Variants in LHX5 observed in about 807,000 individuals in gnomAD.
LHX5 encodes LIM/homeobox protein Lhx5.
LHX5 carries 5 observed loss-of-function variants against 30.6 expected under a neutral mutation model. That is an observed-to-expected ratio of 0.16 (90% CI 0.09 to 0.34). LHX5 has a LOEUF of 0.34. Ranked by LOEUF, LHX5 falls within the 10% of genes least tolerant of loss-of-function variation. The pLI is 1.00. For synonymous variants in LHX5, 266 were observed against 252.6 expected, an observed-to-expected ratio of 1.05 and a Z score of -0.50; for missense variants, 458 against 570.6, an observed-to-expected ratio of 0.80 and a Z score of 2.01.
At position 113,467,196 on chromosome 12, in the gene LHX5, T is replaced by A; in HGVS notation, c.841+60A>T. On this transcript the variant is annotated intron_variant, in intron 4 of 4. Coordinates refer to ENST00000261731, the MANE Select transcript of LHX5 (RefSeq NM_022363.3). The surrounding 1 kb of genome is among the most constrained non-coding windows in gnomAD (Gnocchi z 6.3). ...CGGAAAGCGTGCTGGCCGGGACCCT[T>A]CGCCCTCAGCTCCCGGAATAGGACA... 7.3e-7 allele frequency: 1 copy of A among 1,377,654 alleles called. No homozygotes were observed. The highest frequency in any genetic ancestry group is 9.5e-7 in the Non-Finnish European group (1 of 1,057,402). The allele number at this position is 1,377,654 out of a possible 1,614,324, so 85.3% of individuals were successfully genotyped here. A position where few individuals can be genotyped will look rare whatever the true frequency, so the allele number is the denominator to read the frequency against.
chr12:113,468,952 ACTTCT>A (rs1426647346), intron 2 of LHX5, among the ~76,000 whole-genome samples, 165 bp downstream of exon 2: 1 of 152,198 alleles, frequency 6.6e-6, no homozygotes, highest in Non-Finnish European at 1.5e-5. Context: ...CTCCAAAGCC[ACTTCT>A]CTTCTCTAGC....
chr12:113,468,102 G>A, intron 3 of LHX5, 25 bp downstream of exon 3: 2 of 1,513,006 alleles, frequency 1.3e-6, no homozygotes, highest in Non-Finnish European at 1.8e-6. Context: ...CGGGGCTAAG[G>A]AGCTGTGCCC....
In LHX5 at chr12:113,467,176, A is replaced by T. The variant is rs1958219712; in HGVS notation, c.841+80T>A. 7.6e-7 allele frequency: 1 copy of T among 1,321,830 alleles called. No homozygotes were observed. 81.9% of individuals were successfully genotyped at this position (1,321,830 alleles called of 1,614,324 possible). On this transcript the variant is annotated intron_variant, in intron 4 of 4. Transcript: ENST00000261731. The surrounding 1 kb of genome is among the most constrained non-coding windows in gnomAD (Gnocchi z 6.3). The stretch of plus-strand genomic sequence containing the variant: ...TGGGCGATGTTCTGGAGCGGCGGAA[A>T]GCGTGCTGGCCGGGACCCTTCGCCC...
At position 113,463,081 on chromosome 12, in the gene LHX5, C is replaced by T; in HGVS notation, c.*109G>A. 2.0e-6 allele frequency: 2 copies of T among 979,396 alleles called. No individual in the cohort carries two copies. The highest frequency in any genetic ancestry group is 1.8e-5 in the South Asian group (1 of 55,340). The allele number at this position is 979,396 out of a possible 1,614,324, so 60.7% of individuals were successfully genotyped here. ...GAGTGCGGACCCGAGAGAGAACCCCCGAGGGACACCCACGTCTCCCACCGC... is the reference window on the plus strand; with the variant it reads ...GAGTGCGGACCCGAGAGAGAACCCCTGAGGGACACCCACGTCTCCCACCGC... On this transcript the variant is annotated 3_prime_UTR_variant, in exon 5 of 5. Coordinates refer to ENST00000261731, the MANE Select transcript of LHX5 (RefSeq NM_022363.3). The surrounding 1 kb of genome is among the most constrained non-coding windows in gnomAD (Gnocchi z 6.7).
Position 113,462,939 on chromosome 12 carries a change from A to C in LHX5, c.*251T>G. On this transcript the variant is annotated 3_prime_UTR_variant, in exon 5 of 5. Transcript: ENST00000261731. ...CGGAGTATTGACTTTGGTCCCAAGA[A>C]ATTGCTCGCGGTTGCTGGGAGAGTA... 4.9e-6 allele frequency: 2 copies of C among 409,668 alleles called. No individual in the cohort carries two copies. The highest frequency in any genetic ancestry group is 1.0e-4 in the East Asian group (2 of 19,476). 25.4% of individuals were successfully genotyped at this position (409,668 alleles called of 1,614,324 possible).
In LHX5 at chr12:113,462,945, T is replaced by G. The variant is rs1593326030; in HGVS notation, c.*245A>C. ...ATTGACTTTGGTCCCAAGAAATTGCTCGCGGTTGCTGGGAGAGTACTGGCG... is the reference window on the plus strand; with the variant it reads ...ATTGACTTTGGTCCCAAGAAATTGCGCGCGGTTGCTGGGAGAGTACTGGCG... On this transcript the variant is annotated 3_prime_UTR_variant, in exon 5 of 5. Coordinates refer to ENST00000261731, the MANE Select transcript of LHX5 (RefSeq NM_022363.3). The G allele has an allele frequency of 1.6e-5, 7 of 435,910 alleles. No homozygotes were observed. The East Asian group carries it at 3.2e-4, about 20-fold the overall frequency. The allele number at this position is 435,910 out of a possible 1,614,324, so 27.0% of individuals were successfully genotyped here. A position where few individuals can be genotyped will look rare whatever the true frequency, so the allele number is the denominator to read the frequency against.
intron 2 of LHX5, 51 bp from the exon 3 acceptor site, chr12:113,468,455 C>A (rs144856382): frequency 4.5e-4 from 698 of 1,552,032 alleles, no homozygotes; most frequent in Non-Finnish European, 5.8e-4. Flanking sequence ...GACGGCCAGA[C>A]GCCTCTTCAG....
In LHX5 at chr12:113,467,508, T is replaced by C; in HGVS notation, c.676-87A>G. On this transcript the variant is annotated intron_variant, in intron 3 of 4. Coordinates refer to ENST00000261731, the MANE Select transcript of LHX5 (RefSeq NM_022363.3). The surrounding 1 kb of genome is among the most constrained non-coding windows in gnomAD (Gnocchi z 6.3). Reference sequence around the variant, plus strand: ...CCTTCCCTGACTGGGCTGCCCCTGCTGGGTCCTTGCGCCTCTTCCGCACCA... The same window carrying C: ...CCTTCCCTGACTGGGCTGCCCCTGCCGGGTCCTTGCGCCTCTTCCGCACCA... 2 of 1,248,024 alleles carry C rather than the reference T, an allele frequency of 1.6e-6. No homozygotes were observed. Among genetic ancestry groups the C allele is most frequent in the Non-Finnish European group, 2.1e-6 (2 of 944,168 alleles). The allele number at this position is 1,248,024 out of a possible 1,614,324, so 77.3% of individuals were successfully genotyped here.
Position 113,463,520 on chromosome 12 carries a change from G to A in LHX5, c.879C>T (p.Tyr293=). 6.4e-7 allele frequency: 1 copy of A among 1,561,762 alleles called. No individual in the cohort carries two copies. Among genetic ancestry groups the A allele is most frequent in the Non-Finnish European group, 8.6e-7 (1 of 1,161,874 alleles). Residue 293 remains tyrosine, a synonymous_variant, in exon 5 of 5, where the codon TAC becomes TAT. Transcript: ENST00000261731. The surrounding 1 kb of genome is among the most constrained non-coding windows in gnomAD (Gnocchi z 6.7). ...AAGGCGGGCCGTGCGCGAAGAAGTC[G>A]TAGTTGCTTCCCGGCGCGTAGTAGT... ...QGDYYAPGSN[Y]DFFAHGPPSQ...
In LHX5 at chr12:113,463,206, T is replaced by G. The variant is rs1282443257; in HGVS notation, c.1193A>C (p.Glu398Ala). The G allele has an allele frequency of 2.0e-6, 3 of 1,518,134 alleles. No homozygotes were observed. In the South Asian group the frequency reaches 3.6e-5, roughly 18 times the overall value. The allele number at this position is 1,518,134 out of a possible 1,614,324, so 94.0% of individuals were successfully genotyped here. Residue 398 changes from glutamate to alanine, a missense_variant, in exon 5 of 5, where the codon GAA becomes GCA. Glu to Ala is a moderately radical substitution (Grantham distance 107). Transcript: ENST00000261731. The surrounding 1 kb of genome is among the most constrained non-coding windows in gnomAD (Gnocchi z 6.7). The part of the protein sequence containing the change: ...PLSHPNPELN[E>A]AAVW Reference sequence around the variant, plus strand: ...CCGGCGGCCTTACCACACGGCGGCTTCGTTGAGCTCGGGGTTGGGATGCGA... The same window carrying G: ...CCGGCGGCCTTACCACACGGCGGCTGCGTTGAGCTCGGGGTTGGGATGCGA...
At position 113,466,980 on chromosome 12, in the gene LHX5, A is replaced by G. The variant is rs1446167760; in HGVS notation, c.841+276T>C. On this transcript the variant is annotated intron_variant, in intron 4 of 4. Coordinates refer to ENST00000261731, the MANE Select transcript of LHX5 (RefSeq NM_022363.3). The surrounding 1 kb of genome is among the most constrained non-coding windows in gnomAD (Gnocchi z 6.5). Reference sequence around the variant, plus strand: ...ATCGTGTCTAGACGTGTGTCCCTGGAGTCTCTGAACGCAAGTGTGAGTGCA... The same window carrying G: ...ATCGTGTCTAGACGTGTGTCCCTGGGGTCTCTGAACGCAAGTGTGAGTGCA... Among the ~76,000 whole-genome samples, 1 of 150,632 alleles carries G rather than the reference A, an allele frequency of 6.6e-6. No homozygotes were observed. Among genetic ancestry groups the G allele is most frequent in the Non-Finnish European group, 1.5e-5 (1 of 67,870 alleles).
Position 113,467,349 on chromosome 12 carries a change from C to A in LHX5, c.748G>T (p.Ala250Ser), listed in dbSNP as rs768539640. Residue 250 changes from alanine to serine, a missense_variant, in exon 4 of 5, where the codon GCC becomes TCC. Physicochemically the swap from Ala to Ser is moderately conservative, Grantham distance 99. Transcript: ENST00000261731. This position sits in a 1 kb window ranked among gnomAD's most constrained non-coding sequence, Gnocchi z 6.3. ...ATGCGCCGCGGACTCCGGAAGAAGG[C>A]GTGCCTCCGGGCGCCTAGGGCGCTC... ...QLSALGARRH[A>S]FFRSPRRMRP... 3 of 1,588,882 alleles carry A rather than the reference C, an allele frequency of 1.9e-6. No individual in the cohort carries two copies. Among genetic ancestry groups the A allele is most frequent in the Non-Finnish European group, 2.6e-6 (3 of 1,165,012 alleles).
At chr12:113,469,028 A>C in intron 2 of LHX5, 94 bp downstream of exon 2, 1 of 932,454 alleles carries the variant, frequency 1.1e-6, no homozygotes, top group Non-Finnish European at 1.6e-6. Flanking sequence ...AGCTCAGCAC[A>C]GACAGCACAC....
In LHX5 at chr12:113,463,482, G is replaced by T; in HGVS notation, c.917C>A (p.Ser306Tyr). Residue 306 changes from serine to tyrosine, a missense_variant, in exon 5 of 5, where the codon TCC becomes TAC. This residue lies in a region of LHX5 where 255 missense variants were observed against 246.8 expected (regional missense o/e 1.03). Transcript: ENST00000261731. This position sits in a 1 kb window ranked among gnomAD's most constrained non-coding sequence, Gnocchi z 6.7. ...CGCCAGGAAGCTGGAGTCGGCCGGG[G>T]ACTGCGCCTGCGAAGGCGGGCCGTG... ...FAHGPPSQAQ[S>Y]PADSSFLAAS... 6.4e-7 allele frequency: 1 copy of T among 1,567,314 alleles called. No homozygotes were observed. The highest frequency in any genetic ancestry group is 8.6e-7 in the Non-Finnish European group (1 of 1,163,348).
rs1398607577 is a variant in LHX5 at position 113,468,402 on chromosome 12, A to G, written c.400T>C (p.Ser134Pro). 1.2e-6 allele frequency: 2 copies of G among 1,606,156 alleles called. No homozygotes were observed. The highest frequency in any genetic ancestry group is 2.2e-5 in the South Asian group (2 of 90,834). ...SLKEGSLNSVSSCTDRSLSPD... is the reference protein window; with the variant it reads ...SLKEGSLNSVPSCTDRSLSPD... Reference sequence around the variant, plus strand: ...GACAAACTGCGGTCCGTACAGGATGACACTGCGGGCGGACGGATCGGGAAG... The same window carrying G: ...GACAAACTGCGGTCCGTACAGGATGGCACTGCGGGCGGACGGATCGGGAAG... The change falls in exon 3 of 5, where the codon TCA becomes CCA. Residue 134 changes from serine (S) to proline (P), a missense_variant and splice_region_variant. Ser to Pro is a moderately conservative substitution (Grantham distance 74, BLOSUM62 -1). Around this residue, in one of 3 missense-constraint regions of LHX5, gnomAD observed 178 missense variants for 238.5 expected, o/e 0.75. Transcript: ENST00000261731.
rs934436172 is a variant in LHX5, at chr12:113,463,614, G to GGGGACCC, written c.842-64_842-58dup. On this transcript the variant is annotated intron_variant, in intron 4 of 4. Transcript: ENST00000261731. This position sits in a 1 kb window ranked among gnomAD's most constrained non-coding sequence, Gnocchi z 6.7. Reference sequence around the variant, plus strand: ...GCGGTGAGAGAAGGCGAAGTAGGCGGGGGACCCGGGACCCGGGGAGGGGAC... The same window carrying GGGGACCC: ...GCGGTGAGAGAAGGCGAAGTAGGCGGGGGACCCGGGACCCGGGACCCGGGGAGGGGAC... The GGGGACCC allele has an allele frequency of 3.4e-6, 5 of 1,461,030 alleles. No individual in the cohort carries two copies. The highest frequency in any genetic ancestry group is 2.0e-4 in the Middle Eastern group (1 of 4,886). The allele number at this position is 1,461,030 out of a possible 1,614,324, so 90.5% of individuals were successfully genotyped here. A position where few individuals can be genotyped will look rare whatever the true frequency, so the allele number is the denominator to read the frequency against.
intron 2 of LHX5, among the ~76,000 whole-genome samples, chr12:113,468,611 G>GCCCTTT (rs1958228823): frequency 6.6e-6 from 1 of 152,216 alleles, no homozygotes; most frequent in Non-Finnish European, 1.5e-5. Flanking sequence ...GGCCTTTGGA[G>GCCCTTT]GGGCGCTCTT....
rs1262134989 is a variant in LHX5, at chr12:113,467,388, G to C, written c.709C>G (p.Arg237Gly). Residue 237 changes from arginine (R) to glycine (G), a missense_variant, in exon 4 of 5, where the codon CGG (arginine) becomes GGG (glycine). Around this residue, in one of 3 missense-constraint regions of LHX5, gnomAD observed 25 missense variants for 85.4 expected, o/e 0.29. Transcript: ENST00000261731. The surrounding 1 kb of genome is among the most constrained non-coding windows in gnomAD (Gnocchi z 6.3). ...CCTAGGGCGCTCAGCTGTTTCATCC[G>C]GCGTTCTTTGGACCGTCGGTTCTGA... ...WFQNRRSKER[R>G]MKQLSALGAR... The C allele has an allele frequency of 1.3e-6, 2 of 1,577,546 alleles. No homozygotes were observed. Among genetic ancestry groups the C allele is most frequent in the Non-Finnish European group, 1.7e-6 (2 of 1,156,362 alleles).
rs1958199952 is a variant in LHX5 at position 113,464,498 on chromosome 12, C to T, written c.842-941G>A. On this transcript the variant is annotated intron_variant, in intron 4 of 4. Transcript: ENST00000261731. The surrounding 1 kb of genome is among the most constrained non-coding windows in gnomAD (Gnocchi z 6.2). ...TCCAAGTCCTTCGCCTCGCCAAGTA[C>T]GGCCGCCGCGTCGATCCCGGTGAGA... 1.3e-5 allele frequency among the ~76,000 whole-genome samples: 2 copies of T among 152,200 alleles called. No homozygotes were observed. Among genetic ancestry groups the T allele is most frequent in the South Asian group, 2.1e-4 (1 of 4,832 alleles).
Sources: allele counts gnomAD v4.1 joint callset (sites outside exome capture counted in the v4.1 genomes callset), GRCh38; gene constraint gnomAD v4.1.1; regional missense constraint gnomAD v4.1.1; non-coding constraint Gnocchi (gnomAD v3.1); transcripts MANE v1.5; gene names NCBI Gene and HGNC (gene_info 2026-07-23, HGNC 2026-07-21).